The following PCDHGA2 variants were observed in gnomAD, a reference collection of about 807,000 sequenced individuals.
PCDHGA2 encodes the protein protocadherin gamma-A2.
A neutral mutation model predicts 59.2 loss-of-function variants in PCDHGA2; 40 were observed. That is an observed-to-expected ratio of 0.68 (90% CI 0.52 to 0.88). The LOEUF (loss-of-function observed/expected upper bound fraction) is 0.88. Among genes scored for constraint, PCDHGA2 ranks in the 40% least tolerant of loss-of-function variants. PCDHGA2 has a pLI of 0.00. For synonymous variants in PCDHGA2, 560 were observed against 526.0 expected (o/e 1.06, Z -0.89); for missense variants, 1,226 against 1,204.0 (o/e 1.02, Z -0.27).
chr5:141,351,745 G>C, intron 1 of PCDHGA2: 1 of 1,613,668 alleles, frequency 6.2e-7, no homozygotes. Flanking sequence ...TGGAGCCGCG[G>C]GAGCTGTTGT....
At chr5:141,404,877 T>C in intron 1 of PCDHGA2, 1 of 1,613,856 alleles carries the variant, frequency 6.2e-7, no homozygotes, top group East Asian at 2.2e-5. Flanking sequence ...AAACAGAGCC[T>C]TGTGGTGGCT....
intron 1 of PCDHGA2, chr5:141,394,556 C>T (rs752795340): frequency 1.9e-6 from 3 of 1,614,112 alleles, no homozygotes; most frequent in Admixed American, 3.3e-5. Context: ...CGCCCCGCTC[C>T]GCAGAGCGTG....
chr5:141,355,881 G>A (rs1338727421), intron 1 of PCDHGA2: 1 of 1,613,360 alleles, frequency 6.2e-7, no homozygotes, highest in East Asian at 2.2e-5. Context: ...GCACTGCCAG[G>A]ATTCTCATAA....
intron 1 of PCDHGA2, among the ~76,000 whole-genome samples, chr5:141,354,317 A>G (rs1041876300): frequency 2.6e-5 from 4 of 152,162 alleles, no homozygotes; most frequent in Non-Finnish European, 2.9e-5. Context: ...AAAAATTACT[A>G]CTCTATGAAA....
At chr5:141,371,946 C>T (rs200127619) in intron 1 of PCDHGA2, 98 of 1,613,142 alleles carry the variant, frequency 6.1e-5, no homozygotes, top group East Asian at 3.6e-4. Context: ...GTTCGCGCAG[C>T]GAGCCTTCGA....
At chr5:141,390,538 C>A in intron 1 of PCDHGA2, 1 of 518,310 alleles carries the variant, frequency 1.9e-6, no homozygotes, top group African/African-American at 1.9e-5. Flanking sequence ...GTTTTAACCA[C>A]AAAGTGAAAG....
intron 1 of PCDHGA2, chr5:141,419,440 C>T (rs368129873): frequency 1.9e-6 from 3 of 1,613,034 alleles, no homozygotes; most frequent in African/African-American, 2.7e-5. Context: ...AGCTGCGCAC[C>T]TTCGAGCTCA....
At position 141,365,950 on chromosome 5, in the gene PCDHGA2, T is replaced by C. The variant is rs376201402; in HGVS notation, c.2424+24555T>C. On this transcript the variant is annotated intron_variant, in intron 1 of 3. Coordinates refer to ENST00000394576, the MANE Select transcript of PCDHGA2 (RefSeq NM_018915.4). Reference sequence around the variant, plus strand: ...TGACAGCCAGCGACAGTGGGAACCCTCCACTTAGCAGCAACGTGTCGCTGA... The same window carrying C: ...TGACAGCCAGCGACAGTGGGAACCCCCCACTTAGCAGCAACGTGTCGCTGA... The C allele has an allele frequency of 2.5e-6, 4 of 1,614,078 alleles. No individual in the cohort carries two copies. In the African/African-American group the frequency reaches 5.3e-5, roughly 22 times the overall value.
rs145813962 is a variant in PCDHGA2 at position 141,377,375 on chromosome 5, G to A, written c.2424+35980G>A. 13 of 152,264 alleles carry A rather than the reference G, an allele frequency of 8.5e-5. No individual in the cohort carries two copies. The East Asian group carries it at 1.2e-3, about 14-fold the overall frequency. The allele number at this position is 152,264 out of a possible 1,614,324, so 9.4% of individuals were successfully genotyped here. ...AATCCCACCTCTTCAGGAGGCTGAG[G>A]CAGGAGGATCCCTTGAGACCAGGAG... On this transcript the variant is annotated intron_variant, in intron 1 of 3. Transcript: ENST00000394576.
At chr5:141,495,292 C>T (rs74321313) in intron 2 of PCDHGA2, among the ~76,000 whole-genome samples, 8,567 of 152,256 alleles carry the variant, frequency 0.056, 526 homozygotes, top group African/African-American at 0.16. Context: ...CCGCACTCAG[C>T]GCCTCCTCCA....
At position 141,393,547 on chromosome 5, in the gene PCDHGA2, C is replaced by G. The variant is rs761723933; in HGVS notation, c.2424+52152C>G. 11 of 1,613,820 alleles carry G rather than the reference C, an allele frequency of 6.8e-6. No homozygotes were observed. The African/African-American group carries it at 9.3e-5, about 14-fold the overall frequency. On this transcript the variant is annotated intron_variant, in intron 1 of 3. Transcript: ENST00000394576. ...GACAATGCCCCGGTTTTTCCTCACCCGATTTACCGAGTGAAAGTCCTTGAG... is the reference window on the plus strand; with the variant it reads ...GACAATGCCCCGGTTTTTCCTCACCGGATTTACCGAGTGAAAGTCCTTGAG...
At chr5:141,361,334 A>G (rs1761976311) in intron 1 of PCDHGA2, 2 of 1,613,846 alleles carry the variant, frequency 1.2e-6, no homozygotes, top group Non-Finnish European at 1.7e-6. Flanking sequence ...TCCTCAAAGA[A>G]CTATTACAAA....
chr5:141,413,024 C>A, intron 1 of PCDHGA2: 2 of 736,250 alleles, frequency 2.7e-6, no homozygotes, highest in Non-Finnish European at 4.2e-6. Flanking sequence ...ACAAGCCCCA[C>A]AAACCGGCTG....
intron 1 of PCDHGA2, chr5:141,400,004 G>T (rs750835037): frequency 2.5e-6 from 4 of 1,612,420 alleles, no homozygotes; most frequent in East Asian, 2.2e-5. Flanking sequence ...CGCACAGCGC[G>T]TGCCTTGGGC....
At chr5:141,389,539 AC>A (rs750868475) in intron 1 of PCDHGA2, 1 of 1,613,100 alleles carries the variant, frequency 6.2e-7, no homozygotes, top group African/African-American at 1.3e-5. Context: ...TTAGTGGACG[AC>A]CGCAACGACA....
rs561053469 is a variant in PCDHGA2 at position 141,389,531 on chromosome 5, A to G, written c.2424+48136A>G. The G allele has an allele frequency of 5.0e-6, 8 of 1,613,210 alleles. No individual in the cohort carries two copies. In the East Asian group the frequency reaches 6.7e-5, roughly 13 times the overall value. On this transcript the variant is annotated intron_variant, in intron 1 of 3. Transcript: ENST00000394576. ...GCGCGAACGTGAGCCTGCGCGTGTT[A>G]GTGGACGACCGCAACGACAATGCGC...
intron 1 of PCDHGA2, chr5:141,427,870 C>A (rs773176633): frequency 3.2e-6 from 5 of 1,558,750 alleles, no homozygotes; most frequent in Non-Finnish European, 4.4e-6. Context: ...TTCGAGCTCA[C>A]GATGCAGGCC....
intron 1 of PCDHGA2, chr5:141,441,743 C>T (rs1298220876): frequency 1.4e-5 from 5 of 367,166 alleles, no homozygotes; most frequent in Non-Finnish European, 2.2e-5. Context: ...AGCTCGCGCT[C>T]GGCGTCAACG....
At position 141,352,169 on chromosome 5, in the gene PCDHGA2, C is replaced by T. The variant is rs769039545; in HGVS notation, c.2424+10774C>T. The T allele has an allele frequency of 2.2e-5, 35 of 1,613,424 alleles. No homozygotes were observed. In the South Asian group the frequency reaches 3.5e-4, roughly 16 times the overall value. Reference sequence around the variant, plus strand: ...GGGCGACAGGGACGCGGCCCGCCAGCGCCTGCTGGTCGCTGTGCGTGATGG... The same window carrying T: ...GGGCGACAGGGACGCGGCCCGCCAGTGCCTGCTGGTCGCTGTGCGTGATGG... On this transcript the variant is annotated intron_variant, in intron 1 of 3. Coordinates refer to ENST00000394576, the MANE Select transcript of PCDHGA2 (RefSeq NM_018915.4).
Sources: gnomAD v4.1 joint callset for allele counts (sites outside exome capture counted in the v4.1 genomes callset) on GRCh38, gnomAD v4.1.1 for gene constraint, MANE v1.5 for transcripts, NCBI Gene and HGNC (gene_info 2026-07-23, HGNC 2026-07-21) for gene names.